ACSF3: variants seen among roughly 807,000 people sequenced by gnomAD.
ACSF3 encodes the protein acyl-CoA synthetase family member 3.
In ACSF3, 78 loss-of-function variants were observed where a neutral mutation model predicts 53.2. That is an observed-to-expected ratio of 1.47 (90% CI 1.22 to 1.77). The LOEUF is 1.77. ACSF3 is among the 40% of genes most tolerant of loss of function. The pLI is 0.00. For missense variants in ACSF3, 937 were observed against 771.1 expected, an observed-to-expected ratio of 1.22 and a Z score of -2.55; for synonymous variants, 414 against 333.1, an observed-to-expected ratio of 1.24 and a Z score of -2.65.
intron 8 of ACSF3, chr16:89,136,725 C>T: frequency 7.8e-7 from 1 of 1,287,302 alleles, no homozygotes; most frequent in Non-Finnish European, 1.0e-6. Flanking sequence ...CCTCCCCCAC[C>T]TGCCTCTGTG....
At chr16:89,139,570 GA>G (rs1911322474) in intron 8 of ACSF3, among the ~76,000 whole-genome samples, 2 of 150,554 alleles carry the variant, frequency 1.3e-5, no homozygotes, top group African/African-American at 4.9e-5. Context: ...GGCACTTGGT[GA>G]CCCCCTCCTT....
chr16:89,147,594 T>A (rs73256075), intron 10 of ACSF3: 2 of 98,170 alleles, frequency 2.0e-5, no homozygotes, highest in Non-Finnish European at 4.0e-5. Flanking sequence ...GAGAGGGAGG[T>A]GCCACGCACT....
intron 7 of ACSF3, among the ~76,000 whole-genome samples, chr16:89,127,842 A>G (rs8049456): frequency 0.19 from 29,061 of 152,162 alleles, 2,911 homozygotes; most frequent in African/African-American, 0.26. Context: ...CCACGAAACC[A>G]TTAAAAGGTT....
At chr16:89,107,124 G>A (rs1004691185) in intron 4 of ACSF3, among the ~76,000 whole-genome samples, 1 of 152,198 alleles carries the variant, frequency 6.6e-6, no homozygotes, top group Non-Finnish European at 1.5e-5. Flanking sequence ...AGAAGCACTT[G>A]CTAGTTAGTC....
chr16:89,144,046 A>T lies in ACSF3; in HGVS notation c.1367-1221A>T, dbSNP rs563200108. On this transcript the variant is annotated intron_variant, in intron 8 of 10. Transcript: ENST00000614302. ...GCATGCTCCCACAGCCACGGCACAC[A>T]TGTGTGCGTGCACATGCTCACAGTC... Among the ~76,000 whole-genome samples, 175 of 152,074 alleles carry T rather than the reference A, an allele frequency of 1.2e-3. 2 individuals are homozygous for T. Among genetic ancestry groups the T allele is most frequent in the African/African-American group, 3.8e-3 (158 of 41,486 alleles).
chr16:89,108,214 G>C (rs1976245084), intron 4 of ACSF3, among the ~76,000 whole-genome samples: 1 of 152,088 alleles, frequency 6.6e-6, no homozygotes, highest in Admixed American at 6.5e-5. Flanking sequence ...ATTTGGGTGG[G>C]GATGCCATCA....
At position 89,154,374 on chromosome 16, in the gene ACSF3, C is replaced by A. The variant is rs754211738; in HGVS notation, c.*167C>A. On this transcript the variant is annotated 3_prime_UTR_variant, in exon 11 of 11. Coordinates refer to ENST00000614302, the MANE Select transcript of ACSF3 (RefSeq NM_001243279.3). Reference sequence around the variant, plus strand: ...GGATGAAATCACCATGTGGGGTCCCCAGCCTCGGGCCAGTTGTTGCAGCTC... The same window carrying A: ...GGATGAAATCACCATGTGGGGTCCCAAGCCTCGGGCCAGTTGTTGCAGCTC... The A allele has an allele frequency of 2.8e-6, 2 of 726,672 alleles. No homozygotes were observed. The highest frequency in any genetic ancestry group is 3.0e-5 in the South Asian group (2 of 67,294). The allele number at this position is 726,672 out of a possible 1,614,324, so 45.0% of individuals were successfully genotyped here. A position where few individuals can be genotyped will look rare whatever the true frequency, so the allele number is the denominator to read the frequency against.
chr16:89,101,568 G>A (rs1975347915), intron 3 of ACSF3, among the ~76,000 whole-genome samples: 1 of 152,112 alleles, frequency 6.6e-6, no homozygotes, highest in Non-Finnish European at 1.5e-5. Context: ...GGTGTAGAGG[G>A]ATTGAGGGGC....
chr16:89,106,823 T>G (rs1429359486), intron 4 of ACSF3, among the ~76,000 whole-genome samples: 1 of 152,178 alleles, frequency 6.6e-6, no homozygotes, highest in Non-Finnish European at 1.5e-5. Context: ...TCAGACGCGG[T>G]GTCTTCAAGT....
chr16:89,133,214 C>T lies in ACSF3; in HGVS notation c.1318C>T (p.Pro440Ser), dbSNP rs1909703703. The T allele has an allele frequency of 5.6e-6, 9 of 1,613,992 alleles. No homozygotes were observed. The highest frequency in any genetic ancestry group is 6.8e-6 in the Non-Finnish European group (8 of 1,180,026). ...CGTGTTTCGAGAATACTGGAATAAA[C>T]CAGAAGAAACTAAGAGTGCATTCAC... Reference protein sequence around the residue: ...PSVFREYWNKPEETKSAFTLD... With the variant: ...PSVFREYWNKSEETKSAFTLD... The change falls in exon 8 of 11, where the codon CCA (proline) becomes TCA (serine). Residue 440 changes from proline to serine, a missense_variant. Coordinates refer to ENST00000614302, the MANE Select transcript of ACSF3 (RefSeq NM_001243279.3).
At chr16:89,127,866 A>G (rs939700044) in intron 7 of ACSF3, among the ~76,000 whole-genome samples, 2 of 152,202 alleles carry the variant, frequency 1.3e-5, no homozygotes, top group Admixed American at 6.5e-5. Flanking sequence ...TAAAAGGTTA[A>G]TAAGGGAATT....
At chr16:89,140,643 C>G (rs1004825090) in intron 8 of ACSF3, among the ~76,000 whole-genome samples, 1 of 152,220 alleles carries the variant, frequency 6.6e-6, no homozygotes, top group African/African-American at 2.4e-5. Context: ...GGAACCACAT[C>G]TGCACAGCAG....
At chr16:89,114,959 A>G (rs1288073609) in intron 6 of ACSF3, 1 of 268,406 alleles carries the variant, frequency 3.7e-6, no homozygotes, top group East Asian at 9.3e-5. Context: ...CCTTCTCTAG[A>G]TGTGGGCTCC....
intron 6 of ACSF3, chr16:89,114,827 G>A (rs1904805411): frequency 2.1e-5 from 8 of 386,210 alleles, no homozygotes; most frequent in Non-Finnish European, 4.0e-5. Context: ...GTTGGCTCCA[G>A]ACCACATCAG....
intron 8 of ACSF3, among the ~76,000 whole-genome samples, chr16:89,140,594 C>A (rs937044196): frequency 6.6e-6 from 1 of 152,306 alleles, no homozygotes; most frequent in East Asian, 1.9e-4. Flanking sequence ...TTCCTGGGAT[C>A]GCGCTTTGGG....
Position 89,100,877 on chromosome 16 carries a change from C to T in ACSF3, c.196C>T (p.His66Tyr), listed in dbSNP as rs1263191022. ...CGCCCTGGTTGACCAGCACGGCCGC[C>T]ACACGTACAGGGAGCTTTATTCCCG... ...RIALVDQHGR[H>Y]TYRELYSRSL... is the part of the protein sequence containing the mutation. The change falls in exon 3 of 11, where the codon CAC (histidine) becomes TAC (tyrosine). Residue 66 changes from histidine (H) to tyrosine (Y), a missense_variant. Coordinates refer to ENST00000614302, the MANE Select transcript of ACSF3 (RefSeq NM_001243279.3). 2 of 1,613,810 alleles carry T rather than the reference C, an allele frequency of 1.2e-6. No homozygotes were observed. The highest frequency in any genetic ancestry group is 4.5e-5 in the East Asian group (2 of 44,892).
chr16:89,133,482 C>G lies in ACSF3; in HGVS notation c.1366+220C>G, dbSNP rs111644287. On this transcript the variant is annotated intron_variant, in intron 8 of 10. Coordinates refer to ENST00000614302, the MANE Select transcript of ACSF3 (RefSeq NM_001243279.3). ...GAGTGGGCTCCTTGGCCCTGTCCCTCAGTGCCAGGGGCCCCAGTGCCCCAT... is the reference window on the plus strand; with the variant it reads ...GAGTGGGCTCCTTGGCCCTGTCCCTGAGTGCCAGGGGCCCCAGTGCCCCAT... Among the ~76,000 whole-genome samples the G allele has an allele frequency of 0.024, 3,628 of 152,294 alleles. 107 individuals are homozygous for G. Among genetic ancestry groups the G allele is most frequent in the East Asian group, 0.12 (639 of 5,172 alleles).
At chr16:89,128,319 G>A (rs1287939734) in intron 7 of ACSF3, among the ~76,000 whole-genome samples, 4 of 150,634 alleles carry the variant, frequency 2.7e-5, no homozygotes, top group Admixed American at 2.6e-4. Context: ...GGAGTGCAAT[G>A]GCATGATCTT....
Position 89,100,816 on chromosome 16 carries a change from G to C in ACSF3, c.135G>C (p.Pro45=), listed in dbSNP as rs775551806. 5 of 1,612,948 alleles carry C rather than the reference G, an allele frequency of 3.1e-6. No homozygotes were observed. Among genetic ancestry groups the C allele is most frequent in the Non-Finnish European group, 4.2e-6 (5 of 1,180,026 alleles). The change falls in exon 3 of 11, where the codon CCG becomes CCC. Residue 45 remains proline, a synonymous_variant. Coordinates refer to ENST00000614302, the MANE Select transcript of ACSF3 (RefSeq NM_001243279.3). The stretch of plus-strand genomic sequence containing the variant: ...TGGCCCGCTCGGACAGGAGCGCCCC[G>C]GTGTTCACCCGTGCCCTGGCCTTTG... The part of the protein sequence containing the change: ...APVARSDRSA[P]VFTRALAFGD...
Sources: allele counts gnomAD v4.1 joint callset (sites outside exome capture counted in the v4.1 genomes callset), GRCh38; gene constraint gnomAD v4.1.1; transcripts MANE v1.5; gene names NCBI Gene and HGNC (gene_info 2026-07-23, HGNC 2026-07-21).